COX7B2: variants seen among roughly 807,000 people sequenced by gnomAD.
COX7B2 encodes the protein cytochrome c oxidase subunit 7B2.
For synonymous variants in COX7B2, 37 were observed against 32.1 expected, an observed-to-expected ratio of 1.15 and a Z score of -0.51; for missense variants, 109 against 95.9, an observed-to-expected ratio of 1.14 and a Z score of -0.57.
intron 2 of COX7B2, among the ~76,000 whole-genome samples, chr4:46,769,064 A>G (rs907895419): frequency 8.5e-5 from 13 of 152,110 alleles, no homozygotes; most frequent in African/African-American, 2.9e-4. Context: ...AGAAAATCCT[A>G]GGATCTGATC....
chr4:46,807,178 T>C (rs1719044788), intron 2 of COX7B2, among the ~76,000 whole-genome samples: 1 of 151,944 alleles, frequency 6.6e-6, no homozygotes, highest in Admixed American at 6.5e-5. Context: ...TCAATATTTG[T>C]TATCTTTTGT....
intron 1 of COX7B2, among the ~76,000 whole-genome samples, chr4:46,895,076 T>C (rs539887023): frequency 6.6e-6 from 1 of 152,314 alleles, no homozygotes; most frequent in Non-Finnish European, 1.5e-5. Context: ...GAAAGCAGCG[T>C]TGCGATTCCT....
intron 2 of COX7B2, among the ~76,000 whole-genome samples, chr4:46,751,847 A>G (rs1381786701): frequency 2.6e-5 from 4 of 152,144 alleles, no homozygotes; most frequent in Non-Finnish European, 5.9e-5. Flanking sequence ...GAAGCCAGGT[A>G]GCGTGATGCC....
intron 2 of COX7B2, among the ~76,000 whole-genome samples, chr4:46,816,568 T>C (rs574120983): frequency 1.3e-5 from 2 of 152,294 alleles, no homozygotes; most frequent in South Asian, 2.1e-4. Flanking sequence ...CTGAAACTTG[T>C]TATCCCCTGC....
chr4:46,885,351 T>C (rs1263323179), intron 1 of COX7B2, among the ~76,000 whole-genome samples: 1 of 152,142 alleles, frequency 6.6e-6, no homozygotes, highest in Non-Finnish European at 1.5e-5. Flanking sequence ...TAGTAGGTAA[T>C]AGAAATATAA....
At chr4:46,901,506 AT>A (rs1720067806) in intron 1 of COX7B2, among the ~76,000 whole-genome samples, 2 of 152,344 alleles carry the variant, frequency 1.3e-5, no homozygotes, top group African/African-American at 4.8e-5. Context: ...ACAAATTTAG[AT>A]AGTACAGTTT....
chr4:46,754,728 G>GTGTGTATATATATA (rs1333586285), intron 2 of COX7B2, among the ~76,000 whole-genome samples: 7 of 39,868 alleles, frequency 1.8e-4, no homozygotes, highest in Admixed American at 4.5e-4. Flanking sequence ...GTGTGTGTGT[G>GTGTGTATATATATA]TATATATATA....
chr4:46,904,306 A>G (rs1720246717), intron 1 of COX7B2, among the ~76,000 whole-genome samples: 1 of 152,160 alleles, frequency 6.6e-6, no homozygotes, highest in African/African-American at 2.4e-5. Context: ...ATGATAGGCA[A>G]AAGATTCAAC....
chr4:46,822,499 C>G (rs759773805), intron 2 of COX7B2, among the ~76,000 whole-genome samples: 2 of 152,122 alleles, frequency 1.3e-5, no homozygotes, highest in South Asian at 4.2e-4. Flanking sequence ...TGAATGTTTG[C>G]CCACCCTTTG....
intron 2 of COX7B2, among the ~76,000 whole-genome samples, chr4:46,766,973 G>GA (rs1716579329): frequency 6.6e-6 from 1 of 151,958 alleles, no homozygotes; most frequent in Admixed American, 6.6e-5. Flanking sequence ...AAAACCATCA[G>GA]AAAAAAATTA....
intron 1 of COX7B2, among the ~76,000 whole-genome samples, chr4:46,897,215 C>T (rs1390844499): frequency 1.3e-5 from 2 of 151,966 alleles, no homozygotes; most frequent in Non-Finnish European, 2.9e-5. Flanking sequence ...ACTCAGGCCA[C>T]AGGCTCTGTC....
intron 2 of COX7B2, among the ~76,000 whole-genome samples, chr4:46,793,611 A>C (rs968378474): frequency 2.0e-5 from 3 of 152,224 alleles, no homozygotes; most frequent in African/African-American, 7.2e-5. Flanking sequence ...TGTGCAGCTC[A>C]AACACCACAT....
Position 46,781,404 on chromosome 4 carries a change from T to C in COX7B2, c.-49-46163A>G, listed in dbSNP as rs889389191. Among the ~76,000 whole-genome samples the C allele has an allele frequency of 1.1e-4, 16 of 152,244 alleles. 1 individual carries two copies. The highest frequency in any genetic ancestry group is 9.8e-4 in the Admixed American group (15 of 15,284). On this transcript the variant is annotated intron_variant, in intron 2 of 2. Transcript: ENST00000355591. ...ACCAAGATTAGTTAGAATTGAGTCA[T>C]CTGATACACCTTCCTCAGACATAAG...
At chr4:46,882,429 G>A (rs750735777) in intron 1 of COX7B2, among the ~76,000 whole-genome samples, 4 of 152,114 alleles carry the variant, frequency 2.6e-5, no homozygotes, top group African/African-American at 9.7e-5. Context: ...GGGAATCTAC[G>A]TCTCTTTGTA....
chr4:46,898,086 C>A (rs1040867793), intron 1 of COX7B2, among the ~76,000 whole-genome samples: 1 of 152,126 alleles, frequency 6.6e-6, no homozygotes, highest in Non-Finnish European at 1.5e-5. Flanking sequence ...AAGTCTGAAC[C>A]TGTATCTCCT....
At chr4:46,787,166 A>G (rs1717792618) in intron 2 of COX7B2, among the ~76,000 whole-genome samples, 1 of 152,186 alleles carries the variant, frequency 6.6e-6, no homozygotes. Context: ...AGAATATGAT[A>G]GGCAGGTGCG....
chr4:46,781,051 A>T (rs555351751), intron 2 of COX7B2, among the ~76,000 whole-genome samples: 1 of 152,312 alleles, frequency 6.6e-6, no homozygotes, highest in African/African-American at 2.4e-5. Context: ...TTATTTTTAC[A>T]TTAGAAAAGT....
At chr4:46,791,741 C>G (rs2109587504) in intron 2 of COX7B2, among the ~76,000 whole-genome samples, 1 of 152,252 alleles carries the variant, frequency 6.6e-6, no homozygotes, top group African/African-American at 2.4e-5. Flanking sequence ...CTCCTGGAAC[C>G]CATTCCCATG....
chr4:46,852,627 T>C (rs777430891), intron 1 of COX7B2, among the ~76,000 whole-genome samples: 2 of 152,038 alleles, frequency 1.3e-5, no homozygotes, highest in South Asian at 2.1e-4. Flanking sequence ...TATTCACAAA[T>C]TGACCTATTC....
Sources: gnomAD v4.1 joint callset for allele counts (sites outside exome capture counted in the v4.1 genomes callset) on GRCh38, gnomAD v4.1.1 for gene constraint, MANE v1.5 for transcripts, NCBI Gene and HGNC (gene_info 2026-07-23, HGNC 2026-07-21) for gene names.